VPS50: variants seen among roughly 807,000 people sequenced by gnomAD.
VPS50 encodes the protein syndetin.
Under a neutral mutation model 139.7 loss-of-function variants are expected in VPS50, and 70 were observed. The observed-to-expected ratio is 0.50, with a 90% confidence interval of 0.41 to 0.61. The LOEUF (loss-of-function observed/expected upper bound fraction) is 0.61, where lower values mean the gene tolerates loss of function less well. Ranked by LOEUF, VPS50 falls within the 20% of genes least tolerant of loss-of-function variation. The pLI is 0.00. For synonymous variants in VPS50, 365 were observed against 376.7 expected, an observed-to-expected ratio of 0.97 and a Z score of 0.36; for missense variants, 921 against 1,133.7, an observed-to-expected ratio of 0.81 and a Z score of 2.69.
At chr7:93,296,514 G>C (rs1796814919) in intron 14 of VPS50, among the ~76,000 whole-genome samples, 1 of 152,102 alleles carries the variant, frequency 6.6e-6, no homozygotes, top group African/African-American at 2.4e-5. Flanking sequence ...ACTTTATGTA[G>C]CTACTTTCCA....
intron 9 of VPS50, among the ~76,000 whole-genome samples, chr7:93,268,145 T>C (rs183618004): frequency 3.9e-5 from 6 of 152,314 alleles, no homozygotes; most frequent in African/African-American, 1.4e-4. Flanking sequence ...CAACACTGTG[T>C]CTGCCAAATC....
At chr7:93,263,583 G>A (rs1795751769) in intron 9 of VPS50, among the ~76,000 whole-genome samples, 1 of 151,946 alleles carries the variant, frequency 6.6e-6, no homozygotes, top group African/African-American at 2.4e-5. Flanking sequence ...TTTTGTTTTT[G>A]GTAGAGTGCA....
intron 9 of VPS50, among the ~76,000 whole-genome samples, chr7:93,262,778 A>G (rs1398917309): frequency 6.6e-6 from 1 of 152,150 alleles, no homozygotes; most frequent in African/African-American, 2.4e-5. Context: ...TCCACCCCAT[A>G]CCAGCACAGT....
chr7:93,273,377 A>T (rs1430836652), intron 11 of VPS50: 1 of 152,056 alleles, frequency 6.6e-6, no homozygotes, highest in African/African-American at 2.4e-5. Context: ...AATGTGATAG[A>T]TGTAAATGTT....
chr7:93,334,338 CAG>C (rs1045914098), intron 22 of VPS50, 141 bp downstream of exon 22: 2 of 588,896 alleles, frequency 3.4e-6, no homozygotes, highest in Non-Finnish European at 6.0e-6. Context: ...GGAAGTAAAA[CAG>C]AGGTTGCTTA....
chr7:93,281,368 G>C (rs1034453567), intron 12 of VPS50, among the ~76,000 whole-genome samples: 1 of 152,110 alleles, frequency 6.6e-6, no homozygotes, highest in African/African-American at 2.4e-5. Context: ...CCCAAAGACA[G>C]ATTCTTCTTT....
At chr7:93,320,619 C>G (rs950273079) in intron 20 of VPS50, 5 of 152,516 alleles carry the variant, frequency 3.3e-5, no homozygotes, top group African/African-American at 1.2e-4. Context: ...CCCGCCTCGG[C>G]CTCCCAAAGT....
In VPS50 at chr7:93,236,978, T is replaced by C. The variant is rs1402728379; in HGVS notation, c.34-2888T>C. On this transcript the variant is annotated intron_variant, in intron 1 of 27. Coordinates refer to ENST00000305866, the MANE Select transcript of VPS50 (RefSeq NM_017667.4). ...TTTTTTTTTTTTTTTTTCGAGACAGTCTCACTCTGTCGCCCAGGCTGGAGT... is the reference window on the plus strand; with the variant it reads ...TTTTTTTTTTTTTTTTTCGAGACAGCCTCACTCTGTCGCCCAGGCTGGAGT... Among the ~76,000 whole-genome samples, 3 of 124,852 alleles carry C rather than the reference T, an allele frequency of 2.4e-5. No homozygotes were observed. In the South Asian group the frequency reaches 8.7e-4, roughly 36 times the overall value. 81.9% of individuals were successfully genotyped at this position (124,852 alleles called of 152,430 possible).
chr7:93,344,456 G>A (rs1201781328), intron 23 of VPS50, among the ~76,000 whole-genome samples: 4 of 152,126 alleles, frequency 2.6e-5, no homozygotes, highest in African/African-American at 9.7e-5. Context: ...CCCAGGAATT[G>A]AACTCAGCTC....
intron 11 of VPS50, chr7:93,273,334 GT>G (rs1304357969): frequency 6.6e-6 from 1 of 151,950 alleles, no homozygotes; most frequent in East Asian, 1.9e-4. Flanking sequence ...TCTTTTGTTT[GT>G]ATAGGATTAT....
chr7:93,297,284 A>G (rs1796839049), intron 16 of VPS50, 41 bp downstream of exon 16: 1 of 1,475,696 alleles, frequency 6.8e-7, no homozygotes, highest in Non-Finnish European at 8.9e-7. Flanking sequence ...TATTTAGGTA[A>G]TGAGAATACT....
chr7:93,303,292 T>C (rs1797030706), intron 16 of VPS50, among the ~76,000 whole-genome samples, 168 bp from the exon 17 acceptor site: 1 of 151,914 alleles, frequency 6.6e-6, no homozygotes, highest in Non-Finnish European at 1.5e-5. Context: ...TATTAACTAA[T>C]AAAAGTAAAC....
At chr7:93,259,899 T>C (rs1795614095) in intron 9 of VPS50, among the ~76,000 whole-genome samples, 1 of 152,196 alleles carries the variant, frequency 6.6e-6, no homozygotes, top group Non-Finnish European at 1.5e-5. Flanking sequence ...TCTATTTTTA[T>C]AGAGTTGTAG....
At position 93,278,604 on chromosome 7, in the gene VPS50, A is replaced by AG. The variant is rs2116902054; in HGVS notation, c.942+2299_942+2300insG. On this transcript the variant is annotated intron_variant, in intron 12 of 27. Transcript: ENST00000305866. ...AGACTCTGTCTCAAAAAAAAAAAAA[A>AG]AAAAAAGCTGAGTGTAAAATAATCT... Among the ~76,000 whole-genome samples the AG allele has an allele frequency of 1.3e-5, 2 of 151,542 alleles. 1 individual carries two copies. Among genetic ancestry groups the AG allele is most frequent in the East Asian group, 3.9e-4 (2 of 5,164 alleles).
chr7:93,233,431 G>C (rs1216630503), intron 1 of VPS50, among the ~76,000 whole-genome samples: 1 of 152,130 alleles, frequency 6.6e-6, no homozygotes, highest in Non-Finnish European at 1.5e-5. Flanking sequence ...ATATTTGTGA[G>C]TTTTTTTCTT....
In VPS50 at chr7:93,353,632, CTTCT is replaced by C. The variant is rs1474732801; in HGVS notation, c.2464-6_2464-3del. The C allele has an allele frequency of 1.2e-6, 2 of 1,606,946 alleles. No homozygotes were observed. The highest frequency in any genetic ancestry group is 1.7e-6 in the Non-Finnish European group (2 of 1,177,678). ...TATTCACAAACAGCTACCTATTTGTCTTCTTAGGAATTTGAGCAGTTTAACAGGA... is the reference window on the plus strand; with the variant it reads ...TATTCACAAACAGCTACCTATTTGTCTAGGAATTTGAGCAGTTTAACAGGA... On this transcript the variant is annotated splice_polypyrimidine_tract_variant and splice_region_variant and intron_variant, in intron 25 of 27. Transcript: ENST00000305866.
chr7:93,341,732 T>A (rs890059333), intron 23 of VPS50, among the ~76,000 whole-genome samples, 157 bp downstream of exon 23: 1 of 152,222 alleles, frequency 6.6e-6, no homozygotes, highest in Admixed American at 6.5e-5. Flanking sequence ...AGATTACCAA[T>A]TGATTTTTTA....
At position 93,253,988 on chromosome 7, in the gene VPS50, A is replaced by C; in HGVS notation, c.297+57A>C. The C allele has an allele frequency of 1.5e-5, 14 of 909,530 alleles. No individual in the cohort carries two copies. The South Asian group carries it at 1.8e-4, about 12-fold the overall frequency. 56.3% of individuals were successfully genotyped at this position (909,530 alleles called of 1,614,324 possible). ...CAAAACTCTAGATGAAACACAACAG[A>C]GAGGTATAATGTTTGCAGATTTATG... On this transcript the variant is annotated intron_variant, in intron 4 of 27. Coordinates refer to ENST00000305866, the MANE Select transcript of VPS50 (RefSeq NM_017667.4).
At chr7:93,325,264 T>C (rs1298837609) in intron 21 of VPS50, among the ~76,000 whole-genome samples, 1 of 152,198 alleles carries the variant, frequency 6.6e-6, no homozygotes, top group Non-Finnish European at 1.5e-5. Context: ...TGAAACTGGA[T>C]CCCTTCCTTA....
Sources: gnomAD v4.1 joint callset for allele counts (sites outside exome capture counted in the v4.1 genomes callset) on GRCh38, gnomAD v4.1.1 for gene constraint, MANE v1.5 for transcripts, NCBI Gene and HGNC (gene_info 2026-07-23, HGNC 2026-07-21) for gene names.